Variants in NTRK1 observed in about 807,000 individuals in gnomAD.
NTRK1 encodes neurotrophic receptor tyrosine kinase 1.
Under a neutral mutation model 86.8 loss-of-function variants are expected in NTRK1, and 62 were observed. The ratio of observed to expected loss-of-function variants is 0.71; its 90% CI spans 0.58 to 0.88. The LOEUF (loss-of-function observed/expected upper bound fraction) is 0.88, where lower values mean the gene tolerates loss of function less well. Ranked by LOEUF, NTRK1 falls within the 40% of genes least tolerant of loss-of-function variation. NTRK1 has a pLI of 0.00. For synonymous variants in NTRK1, 469 were observed against 456.6 expected, an observed-to-expected ratio of 1.03 and a Z score of -0.35; for missense variants, 967 against 1,078.4, an observed-to-expected ratio of 0.90 and a Z score of 1.45.
intron 2 of NTRK1, among the ~76,000 whole-genome samples, chr1:156,853,560 C>T (rs1655303824): frequency 6.6e-6 from 1 of 152,222 alleles, no homozygotes; most frequent in Non-Finnish European, 1.5e-5. Flanking sequence ...GGGCCTACCC[C>T]TTAGCTGTCT....
chr1:156,858,891 G>T, upstream of NTRK1: 1 of 492,156 alleles, frequency 2.0e-6, no homozygotes. Context: ...GACAGTGACA[G>T]GGAGAGTCTC....
rs747065680 is a variant in NTRK1 at position 156,845,122 on chromosome 1, C to G, written c.50+2929C>G. On this transcript the variant is annotated intron_variant, in intron 2 of 16. Transcript: ENST00000392302. ...AGACGAAGGTGGCGGCGCTGCAGCC[C>G]ACGGTGTGCGCCGCGTGGTTGCAGG... 11 of 1,611,436 alleles carry G rather than the reference C, an allele frequency of 6.8e-6. No individual in the cohort carries two copies. In the Admixed American group the frequency reaches 1.8e-4, roughly 27 times the overall value.
intron 6 of NTRK1, among the ~76,000 whole-genome samples, 156 bp from the exon 7 acceptor site, chr1:156,871,467 A>G (rs2644614): frequency 3.9e-5 from 6 of 152,182 alleles, no homozygotes; most frequent in Non-Finnish European, 8.8e-5. Context: ...GAAGGCCATT[A>G]TCTGCTACAT....
At chr1:156,867,007 G>C (rs999739008) in intron 4 of NTRK1, 29 bp downstream of exon 4, 11 of 1,610,910 alleles carry the variant, frequency 6.8e-6, no homozygotes, top group African/African-American at 4.0e-5. Context: ...AGGGGCAAGA[G>C]CACCAAGTGT....
At chr1:156,817,047 T>TTCTCCCTCTCTCTCTC (rs148320709) in intron 1 of NTRK1, among the ~76,000 whole-genome samples, 9 of 113,778 alleles carry the variant, frequency 7.9e-5, no homozygotes, top group Non-Finnish European at 1.5e-4. Flanking sequence ...GAACTTCCCT[T>TTCTCCCTCTCTCTCTC]TCTCTCTCTC....
In NTRK1 at chr1:156,881,574, A is replaced by G. The variant is rs1648263914; in HGVS notation, c.2323A>G (p.Lys775Glu). ...GGAGCCCCAGCAACGCCACAGCATCAAGGATGTGCACGCCCGGCTGCAAGC... is the reference window on the plus strand; with the variant it reads ...GGAGCCCCAGCAACGCCACAGCATCGAGGATGTGCACGCCCGGCTGCAAGC... ...QREPQQRHSI[K>E]DVHARLQALA... is the part of the protein sequence containing the mutation. The change falls in exon 17 of 17, where the codon AAG (lysine) becomes GAG (glutamate). Residue 775 changes from lysine to glutamate, a missense_variant. This residue lies in a region of NTRK1 where 637 missense variants were observed against 776.5 expected (regional missense o/e 0.82). Transcript: ENST00000524377. The G allele has an allele frequency of 6.2e-7, 1 of 1,611,600 alleles. No homozygotes were observed.
upstream of NTRK1, chr1:156,860,795 G>A: frequency 1.5e-6 from 2 of 1,330,974 alleles, no homozygotes; most frequent in Non-Finnish European, 9.6e-7. Flanking sequence ...AGGCGGGGCC[G>A]GGCGGGGGCC....
At chr1:156,849,983 G>A (rs928289720) in intron 2 of NTRK1, among the ~76,000 whole-genome samples, 2 of 151,392 alleles carry the variant, frequency 1.3e-5, no homozygotes, top group African/African-American at 4.9e-5. Flanking sequence ...GCCCACTGCC[G>A]CCTTGACCTC....
intron 4 of NTRK1, 113 bp downstream of exon 4, chr1:156,867,091 C>T: frequency 1.8e-6 from 2 of 1,101,448 alleles, no homozygotes; most frequent in Non-Finnish European, 2.8e-6. Flanking sequence ...GCTGGGGGGT[C>T]TCTTTGGGGA....
At position 156,849,845 on chromosome 1, in the gene NTRK1, G is replaced by A. The variant is rs190872934; in HGVS notation, c.50+7652G>A. Reference sequence around the variant, plus strand: ...TTCCAGCTGAGGTGTGGACACTCTCGGTGTACATGCAATGTGTCTGGAGAC... The same window carrying A: ...TTCCAGCTGAGGTGTGGACACTCTCAGTGTACATGCAATGTGTCTGGAGAC... On this transcript the variant is annotated intron_variant, in intron 2 of 16. Transcript: ENST00000392302. Among the ~76,000 whole-genome samples the A allele has an allele frequency of 1.1e-4, 17 of 152,026 alleles. 1 individual carries two copies. In the East Asian group the frequency reaches 2.7e-3, roughly 24 times the overall value.
chr1:156,835,576 G>C (rs1654577221), intron 1 of NTRK1, among the ~76,000 whole-genome samples: 1 of 152,158 alleles, frequency 6.6e-6, no homozygotes, highest in Non-Finnish European at 1.5e-5. Context: ...TATGCTTCCA[G>C]ATATTTTTTC....
intron 5 of NTRK1, 72 bp downstream of exon 5, chr1:156,868,321 T>A: frequency 1.9e-6 from 3 of 1,582,302 alleles, no homozygotes; most frequent in South Asian, 2.2e-5. Context: ...GAGAGGGCAC[T>A]GAGCAAGCAC....
intron 2 of NTRK1, chr1:156,853,625 T>C (rs905116781): frequency 3.1e-6 from 3 of 969,796 alleles, no homozygotes; most frequent in Non-Finnish European, 4.6e-6. Context: ...ACCTGCCTCA[T>C]AGGATGAGTG....
At chr1:156,876,253 C>T (rs897390424) in intron 13 of NTRK1, 43 bp downstream of exon 13, 9 of 1,612,602 alleles carry the variant, frequency 5.6e-6, no homozygotes, top group Non-Finnish European at 7.6e-6. Context: ...TGGGTCCCAC[C>T]CCCAGGAGCT....
chr1:156,844,135 G>A (rs1439326858), intron 2 of NTRK1: 2 of 1,445,212 alleles, frequency 1.4e-6, no homozygotes, highest in Non-Finnish European at 1.9e-6. Context: ...TGAGGGCTCA[G>A]GGAGAAAAGG....
At chr1:156,853,950 G>A in intron 2 of NTRK1, 1 of 1,613,408 alleles carries the variant, frequency 6.2e-7, no homozygotes, top group Non-Finnish European at 8.5e-7. Flanking sequence ...AGGTGGCAGA[G>A]CTCCTGGTTC....
rs111622617 is a variant in NTRK1, at chr1:156,868,440, A to G, written c.575-65A>G. On this transcript the variant is annotated intron_variant, in intron 5 of 16. Coordinates refer to ENST00000524377, the MANE Select transcript of NTRK1 (RefSeq NM_002529.4). ...AGGGTGGGGGAAGGAGCAGCCCCGC[A>G]GTAGAGTTCTGGGGCCACTCCCAGC... 2,764 of 1,548,860 alleles carry G rather than the reference A, an allele frequency of 1.8e-3. 41 individuals are homozygous for G. The African/African-American group carries it at 0.032, about 18-fold the overall frequency.
chr1:156,879,767 C>T (rs188512391), intron 15 of NTRK1, among the ~76,000 whole-genome samples: 28 of 152,218 alleles, frequency 1.8e-4, no homozygotes, highest in South Asian at 1.5e-3. Flanking sequence ...CACGCCATCA[C>T]GCCCAACTAA....
upstream of NTRK1, among the ~76,000 whole-genome samples, chr1:156,858,345 A>G (rs1486860088): frequency 3.3e-5 from 5 of 152,028 alleles, no homozygotes; most frequent in African/African-American, 1.2e-4. Context: ...TCTCTGAGGG[A>G]GCTGAGGGAA....
Sources: gnomAD v4.1 joint callset for allele counts (sites outside exome capture counted in the v4.1 genomes callset) on GRCh38, gnomAD v4.1.1 for gene constraint, gnomAD v4.1.1 regional missense constraint, MANE v1.5 for transcripts, NCBI Gene and HGNC (gene_info 2026-07-23, HGNC 2026-07-21) for gene names.